Variants in ZBTB8A observed in about 807,000 individuals in gnomAD.
ZBTB8A encodes the protein zinc finger and BTB domain-containing protein 8A.
A neutral mutation model predicts 37.8 loss-of-function variants in ZBTB8A; 19 were observed. That is an observed-to-expected ratio of 0.50 (90% CI 0.35 to 0.74). ZBTB8A has a LOEUF of 0.74. Among genes scored for constraint, ZBTB8A ranks in the 30% least tolerant of loss-of-function variants. ZBTB8A has a pLI of 0.01. For synonymous variants in ZBTB8A, 181 were observed against 185.2 expected, an observed-to-expected ratio of 0.98 and a Z score of 0.19; for missense variants, 394 against 537.8, an observed-to-expected ratio of 0.73 and a Z score of 2.65.
At chr1:32,547,649 A>T (rs1200924032) in intron 1 of ZBTB8A, among the ~76,000 whole-genome samples, 1 of 147,434 alleles carries the variant, frequency 6.8e-6, no homozygotes, top group African/African-American at 2.5e-5. Context: ...AAAAAGAAAG[A>T]AAAAAAGGCA....
intron 1 of ZBTB8A, among the ~76,000 whole-genome samples, chr1:32,542,837 A>G (rs966510642): frequency 5.3e-5 from 8 of 152,120 alleles, no homozygotes; most frequent in Admixed American, 1.3e-4. Context: ...TTCCATTTGG[A>G]TTTTGGATGT....
At chr1:32,561,695 C>A (rs190036331) in intron 2 of ZBTB8A, among the ~76,000 whole-genome samples, 2 of 152,262 alleles carry the variant, frequency 1.3e-5, no homozygotes, top group Admixed American at 1.3e-4. Context: ...CCTCACCCAG[C>A]CCCTGTATGT....
At chr1:32,567,368 G>A (rs762523992) in intron 2 of ZBTB8A, among the ~76,000 whole-genome samples, 5 of 152,122 alleles carry the variant, frequency 3.3e-5, no homozygotes, top group Non-Finnish European at 2.9e-5. Flanking sequence ...AGATTTGGGC[G>A]GGGGACACAA....
At position 32,568,020 on chromosome 1, in the gene ZBTB8A, T is replaced by C. The variant is rs1191659508; in HGVS notation, c.-2+14480T>C. ...AGCCAAGTGTGGTGGCACACACTTG[T>C]AATCCCAGCTATTAGGGAGGCTGAG... On this transcript the variant is annotated intron_variant, in intron 2 of 4. Transcript: ENST00000373510. Among the ~76,000 whole-genome samples the C allele has an allele frequency of 2.0e-5, 3 of 151,334 alleles. No individual in the cohort carries two copies. The East Asian group carries it at 5.9e-4, about 30-fold the overall frequency.
Position 32,599,770 on chromosome 1 carries a change from C to G in ZBTB8A, c.994-317C>G, listed in dbSNP as rs1644561511. Among the ~76,000 whole-genome samples, 5 of 151,746 alleles carry G rather than the reference C, an allele frequency of 3.3e-5. No individual in the cohort carries two copies. In the South Asian group the frequency reaches 1.0e-3, roughly 31 times the overall value. On this transcript the variant is annotated intron_variant, in intron 4 of 4. Coordinates refer to ENST00000373510, the MANE Select transcript of ZBTB8A (RefSeq NM_001040441.3). ...TAAAAATAATTAAATAAGTACATGG[C>G]ACATAGTGTTTGCAATTATTATTAT...
intron 2 of ZBTB8A, among the ~76,000 whole-genome samples, chr1:32,561,287 C>A (rs539803126): frequency 2.6e-5 from 4 of 152,088 alleles, no homozygotes; most frequent in African/African-American, 4.8e-5. Flanking sequence ...TGAGTGAAAA[C>A]CTACTTGCCT....
In ZBTB8A at chr1:32,552,823, TAAAAA is replaced by T. The variant is rs1644167832; in HGVS notation, c.-83-635_-83-631del. 3.3e-5 allele frequency among the ~76,000 whole-genome samples: 5 copies of T among 150,166 alleles called. No homozygotes were observed. The Admixed American group carries it at 3.3e-4, about 10-fold the overall frequency. On this transcript the variant is annotated intron_variant, in intron 1 of 4. Transcript: ENST00000373510. ...TGTATATAAAATGTATATATGTCTT[TAAAAA>T]GAGTTCCAAGCCAATTTGAAGCCAA...
intron 1 of ZBTB8A, among the ~76,000 whole-genome samples, chr1:32,552,741 A>G (rs552326050): frequency 1.8e-4 from 28 of 151,902 alleles, no homozygotes; most frequent in African/African-American, 6.7e-4. Flanking sequence ...GAAATCTCTT[A>G]TAAACTTTAA....
chr1:32,566,215 A>G (rs926656724), intron 2 of ZBTB8A, among the ~76,000 whole-genome samples: 1 of 151,272 alleles, frequency 6.6e-6, no homozygotes, highest in Non-Finnish European at 1.5e-5. Flanking sequence ...AAAAAAAAAA[A>G]AAAAGAATAA....
intron 2 of ZBTB8A, among the ~76,000 whole-genome samples, chr1:32,556,291 A>G (rs1287740768): frequency 6.6e-6 from 1 of 151,940 alleles, no homozygotes; most frequent in Non-Finnish European, 1.5e-5. Flanking sequence ...GCTGGTCTCG[A>G]ACTCCTGACC....
At chr1:32,559,187 C>T (rs373450580) in intron 2 of ZBTB8A, among the ~76,000 whole-genome samples, 5 of 152,088 alleles carry the variant, frequency 3.3e-5, no homozygotes, top group African/African-American at 1.2e-4. Context: ...TCTCAGCTCA[C>T]TGCAACCTCT....
At chr1:32,545,075 C>T (rs529686668) in intron 1 of ZBTB8A, among the ~76,000 whole-genome samples, 5 of 152,140 alleles carry the variant, frequency 3.3e-5, no homozygotes, top group African/African-American at 1.2e-4. Flanking sequence ...GAGGAACTCC[C>T]AGACTGTTTT....
intron 1 of ZBTB8A, among the ~76,000 whole-genome samples, chr1:32,552,809 T>C (rs993176519): frequency 1.3e-5 from 2 of 150,606 alleles, no homozygotes; most frequent in Non-Finnish European, 3.0e-5. Context: ...GTATATAAAA[T>C]GTATATATGT....
At position 32,564,549 on chromosome 1, in the gene ZBTB8A, A is replaced by G. The variant is rs1297180047; in HGVS notation, c.-2+11009A>G. Reference sequence around the variant, plus strand: ...TAGAATTTAGGGGTATAAATTCTCTATCCTCAGCCTTTGACCTATAACCTC... The same window carrying G: ...TAGAATTTAGGGGTATAAATTCTCTGTCCTCAGCCTTTGACCTATAACCTC... On this transcript the variant is annotated intron_variant, in intron 2 of 4. Coordinates refer to ENST00000373510, the MANE Select transcript of ZBTB8A (RefSeq NM_001040441.3). Among the ~76,000 whole-genome samples the G allele has an allele frequency of 2.6e-5, 4 of 152,184 alleles. No homozygotes were observed. The East Asian group carries it at 5.8e-4, about 22-fold the overall frequency.
chr1:32,541,890 A>G lies in ZBTB8A; in HGVS notation c.-84+2318A>G, dbSNP rs139212480. Among the ~76,000 whole-genome samples, 7 of 152,352 alleles carry G rather than the reference A, an allele frequency of 4.6e-5. No individual in the cohort carries two copies. In the East Asian group the frequency reaches 1.3e-3, roughly 29 times the overall value. On this transcript the variant is annotated intron_variant, in intron 1 of 4. Transcript: ENST00000373510. Reference sequence around the variant, plus strand: ...CAACATGAATTTTGGAGGGGACACAAATGTTCAAACCATAGCTCTTAAATG... The same window carrying G: ...CAACATGAATTTTGGAGGGGACACAGATGTTCAAACCATAGCTCTTAAATG...
intron 2 of ZBTB8A, among the ~76,000 whole-genome samples, chr1:32,590,054 G>C (rs1644476770): frequency 1.3e-5 from 2 of 151,962 alleles, no homozygotes; most frequent in South Asian, 4.2e-4. Flanking sequence ...ACCAGCCCAG[G>C]ACCAATTTTC....
In ZBTB8A at chr1:32,601,067, A is replaced by G. The variant is rs1644572034; in HGVS notation, c.*648A>G. ...CTCAGTATTGTTAAAAAAAAAAAAAAGTAGAGGCTGGCCAAAGATTATATA... is the reference window on the plus strand; with the variant it reads ...CTCAGTATTGTTAAAAAAAAAAAAAGGTAGAGGCTGGCCAAAGATTATATA... On this transcript the variant is annotated 3_prime_UTR_variant, in exon 5 of 5. Coordinates refer to ENST00000373510, the MANE Select transcript of ZBTB8A (RefSeq NM_001040441.3). 1 of 151,550 alleles carries G rather than the reference A, an allele frequency of 6.6e-6. No homozygotes were observed. Among genetic ancestry groups the G allele is most frequent in the South Asian group, 2.1e-4 (1 of 4,812 alleles). The allele number at this position is 151,550 out of a possible 1,614,324, so 9.4% of individuals were successfully genotyped here.
chr1:32,556,100 G>A (rs1247619928), intron 2 of ZBTB8A, among the ~76,000 whole-genome samples: 1 of 151,092 alleles, frequency 6.6e-6, no homozygotes, highest in African/African-American at 2.4e-5. Flanking sequence ...CTGAGACAGA[G>A]TCTCACTCTG....
intron 2 of ZBTB8A, among the ~76,000 whole-genome samples, chr1:32,572,123 T>C (rs2148233111): frequency 6.6e-6 from 1 of 152,214 alleles, no homozygotes; most frequent in Middle Eastern, 3.4e-3. Context: ...TAGTTTTATT[T>C]TCTTATAATG....
Sources: allele counts gnomAD v4.1 joint callset (sites outside exome capture counted in the v4.1 genomes callset), GRCh38; gene constraint gnomAD v4.1.1; transcripts MANE v1.5; gene names NCBI Gene and HGNC (gene_info 2026-07-23, HGNC 2026-07-21).